The following KCNG3 variants were observed in gnomAD, a reference collection of about 807,000 sequenced individuals.
KCNG3 encodes voltage-gated potassium channel regulatory subunit KCNG3.
A neutral mutation model predicts 29.0 loss-of-function variants in KCNG3; 15 were observed. The observed-to-expected ratio is 0.52, with a 90% CI of 0.35 to 0.80. KCNG3 has a LOEUF of 0.80. Ranked by LOEUF, KCNG3 falls within the 30% of genes least tolerant of loss-of-function variation. KCNG3 has a pLI of 0.01. For missense variants in KCNG3, 512 were observed against 605.7 expected (o/e 0.85, Z 1.62); for synonymous variants, 322 against 248.9 (o/e 1.29, Z -2.76).
chr2:42,438,365 C>T (rs1051147687), downstream of KCNG3, among the ~76,000 whole-genome samples: 3 of 152,170 alleles, frequency 2.0e-5, no homozygotes, highest in South Asian at 2.1e-4. Context: ...TATAAAATTA[C>T]GGGAAATTTT....
At chr2:42,426,934 A>C in the KCNG3 span, among the ~76,000 whole-genome samples, 4 of 152,206 alleles carry the variant, frequency 2.6e-5, no homozygotes, top group African/African-American at 9.6e-5. Flanking sequence ...CAAGAAAGTG[A>C]GGTATAACTT....
chr2:42,422,772 C>A, the KCNG3 span, among the ~76,000 whole-genome samples: 6 of 152,162 alleles, frequency 3.9e-5, no homozygotes, highest in Admixed American at 3.9e-4. Flanking sequence ...CTGTAACCTG[C>A]ATCTGCACCC....
At position 42,493,696 on chromosome 2, in the gene KCNG3, G is replaced by A; in HGVS notation, c.-195C>T. On this transcript the variant is annotated 5_prime_UTR_variant, in exon 1 of 2. Transcript: ENST00000306078. ...GAGTATCTCCGGCGCTGCTAGTAGC[G>A]CGCCCTCCGCCCGGCGGTACCTGCG... 1 of 389,674 alleles carries A rather than the reference G, an allele frequency of 2.6e-6. No homozygotes were observed. Among genetic ancestry groups the A allele is most frequent in the Admixed American group, 4.7e-5 (1 of 21,318 alleles). 24.1% of individuals were successfully genotyped at this position (389,674 alleles called of 1,614,324 possible).
intron 1 of KCNG3, among the ~76,000 whole-genome samples, chr2:42,468,227 T>C (rs530824217): frequency 4.0e-4 from 61 of 152,354 alleles, no homozygotes; most frequent in African/African-American, 1.4e-3. Context: ...TTGCAAAGAC[T>C]GTCTTTATTT....
chr2:42,395,730 G>A, the KCNG3 span, among the ~76,000 whole-genome samples: 2 of 152,094 alleles, frequency 1.3e-5, no homozygotes, highest in Non-Finnish European at 2.9e-5. Flanking sequence ...GAGGTTGGAG[G>A]ATTCTTTGAG....
intron 1 of KCNG3, among the ~76,000 whole-genome samples, chr2:42,472,289 A>G (rs1298624121): frequency 6.6e-6 from 1 of 152,250 alleles, no homozygotes; most frequent in Admixed American, 6.5e-5. Context: ...CAAACGTGAC[A>G]TGAAGTTGAA....
chr2:42,421,925 A>C, the KCNG3 span, among the ~76,000 whole-genome samples: 1 of 152,216 alleles, frequency 6.6e-6, no homozygotes, highest in African/African-American at 2.4e-5. Context: ...GTTAGTAACT[A>C]AAAGTGATTG....
At chr2:42,433,431 G>C in the KCNG3 span, among the ~76,000 whole-genome samples, 11 of 152,174 alleles carry the variant, frequency 7.2e-5, no homozygotes, top group East Asian at 2.1e-3. Flanking sequence ...CATCAATGTG[G>C]GCAGGCACCA....
At chr2:42,433,541 C>T in the KCNG3 span, among the ~76,000 whole-genome samples, 2 of 152,084 alleles carry the variant, frequency 1.3e-5, no homozygotes, top group African/African-American at 2.4e-5. Flanking sequence ...GAGTTCAAGA[C>T]CAGCCTGGAC....
the KCNG3 span, among the ~76,000 whole-genome samples, chr2:42,417,784 A>G: frequency 1.3e-5 from 2 of 152,040 alleles, no homozygotes; most frequent in Admixed American, 6.6e-5. Context: ...CAGCCTGGCC[A>G]GCATGGTGAA....
intron 1 of KCNG3, among the ~76,000 whole-genome samples, chr2:42,480,201 T>G (rs1572862573): frequency 6.6e-6 from 1 of 152,082 alleles, no homozygotes; most frequent in Non-Finnish European, 1.5e-5. Flanking sequence ...TGGTCCTCAG[T>G]TGGATCCAAG....
rs573836985 is a variant in KCNG3, at chr2:42,445,766, G to A, written c.666-1187C>T. On this transcript the variant is annotated intron_variant, in intron 1 of 1. Transcript: ENST00000306078. The stretch of plus-strand genomic sequence containing the variant: ...TTTTGAGATGAAGTTTCACGCTATC[G>A]CCCAGGCTGGAGTGCAGTGGCACGA... Among the ~76,000 whole-genome samples, 31 of 151,608 alleles carry A rather than the reference G, an allele frequency of 2.0e-4. 1 individual carries two copies. The highest frequency in any genetic ancestry group is 6.8e-3 in the Middle Eastern group (2 of 294).
chr2:42,410,609 G>A, the KCNG3 span, among the ~76,000 whole-genome samples: 24,236 of 152,052 alleles, frequency 0.16, 2,064 homozygotes, highest in African/African-American at 0.22. Context: ...TATTTTCTAT[G>A]TAAAACTGTT....
At chr2:42,395,542 T>C in the KCNG3 span, among the ~76,000 whole-genome samples, 1 of 152,214 alleles carries the variant, frequency 6.6e-6, no homozygotes, top group Admixed American at 6.5e-5. Context: ...GTAATAATGA[T>C]GTCTGTGTTG....
chr2:42,461,374 G>A (rs926607875), intron 1 of KCNG3, among the ~76,000 whole-genome samples: 4 of 151,902 alleles, frequency 2.6e-5, no homozygotes, highest in African/African-American at 4.8e-5. Flanking sequence ...CTTGCCTGAG[G>A]CTCTTGAGAG....
intron 1 of KCNG3, among the ~76,000 whole-genome samples, chr2:42,481,643 C>G (rs952480607): frequency 6.6e-6 from 1 of 152,182 alleles, no homozygotes; most frequent in Non-Finnish European, 1.5e-5. Context: ...CTATAAGGCG[C>G]TTCCTGGGCT....
At chr2:42,472,628 A>G (rs1475714844) in intron 1 of KCNG3, among the ~76,000 whole-genome samples, 1 of 151,360 alleles carries the variant, frequency 6.6e-6, no homozygotes, top group Non-Finnish European at 1.5e-5. Flanking sequence ...CCTCCCCAGT[A>G]GCTGGGACTA....
the KCNG3 span, among the ~76,000 whole-genome samples, chr2:42,420,477 T>G: frequency 2.0e-5 from 3 of 152,042 alleles, no homozygotes; most frequent in Non-Finnish European, 4.4e-5. Flanking sequence ...TTCCTCAACC[T>G]CCTTGGCACT....
chr2:42,451,342 C>T (rs1178574297), intron 1 of KCNG3, among the ~76,000 whole-genome samples: 3 of 151,770 alleles, frequency 2.0e-5, no homozygotes, highest in East Asian at 3.9e-4. Flanking sequence ...CTTTGGGAGG[C>T]TGAAGTGGGA....
Sources: allele counts gnomAD v4.1 joint callset (sites outside exome capture counted in the v4.1 genomes callset), GRCh38; gene constraint gnomAD v4.1.1; transcripts MANE v1.5; gene names NCBI Gene and HGNC (gene_info 2026-07-23, HGNC 2026-07-21).